The following PSMG3 variants were observed in gnomAD, a reference collection of about 807,000 sequenced individuals.
The protein encoded by PSMG3 is PAC-3.
PSMG3 carries 4 observed loss-of-function variants against 7.9 expected under a neutral mutation model. The ratio of observed to expected loss-of-function variants is 0.51; its 90% CI spans 0.25 to 1.16. The LOEUF is 1.16. Among genes scored for constraint, PSMG3 ranks in the 50% most tolerant of loss-of-function variants. PSMG3 has a pLI of 0.15. For synonymous variants in PSMG3, 81 were observed against 69.8 expected (o/e 1.16, Z -0.80); for missense variants, 151 against 157.4 (o/e 0.96, Z 0.22).
Position 1,569,872 on chromosome 7 carries a change from G to A in PSMG3, c.-533C>T, listed in dbSNP as rs1778856476. 2 of 152,048 alleles carry A rather than the reference G, an allele frequency of 1.3e-5. No homozygotes were observed. The highest frequency in any genetic ancestry group is 1.5e-5 in the Non-Finnish European group (1 of 67,994). 9.4% of individuals were successfully genotyped at this position (152,048 alleles called of 1,614,324 possible). A position where few individuals can be genotyped will look rare whatever the true frequency, so the allele number is the denominator to read the frequency against. Reference sequence around the variant, plus strand: ...CGTTCACACTGCCAGGCCGGGCAGTGGCTTCCCGCCCCTCGGCCTCGCCGC... The same window carrying A: ...CGTTCACACTGCCAGGCCGGGCAGTAGCTTCCCGCCCCTCGGCCTCGCCGC... On this transcript the variant is annotated 5_prime_UTR_variant, in exon 1 of 2. Transcript: ENST00000288607.
In PSMG3 at chr7:1,567,623, T is replaced by G; in HGVS notation, c.*75A>C. 6.9e-7 allele frequency: 1 copy of G among 1,448,648 alleles called. No individual in the cohort carries two copies. Among genetic ancestry groups the G allele is most frequent in the Non-Finnish European group, 9.3e-7 (1 of 1,078,684 alleles). 89.7% of individuals were successfully genotyped at this position (1,448,648 alleles called of 1,614,324 possible). ...TTCCTCCCTCCACCGGGGAGGGAGG[T>G]GAGACTTGAGTCCCTGAGTGGGTGT... On this transcript the variant is annotated 3_prime_UTR_variant, in exon 2 of 2. Coordinates refer to ENST00000288607, the MANE Select transcript of PSMG3 (RefSeq NM_032302.4).
Position 1,569,573 on chromosome 7 carries a change from C to G in PSMG3, c.-234G>C, listed in dbSNP as rs1053901075. Reference sequence around the variant, plus strand: ...GTTGAGGCCAGGAATTCGAGACCAGCCTGGCCAACATAGCGAGACCCCCAT... The same window carrying G: ...GTTGAGGCCAGGAATTCGAGACCAGGCTGGCCAACATAGCGAGACCCCCAT... On this transcript the variant is annotated 5_prime_UTR_variant, in exon 1 of 2. Transcript: ENST00000288607. 46 of 380,966 alleles carry G rather than the reference C, an allele frequency of 1.2e-4. No individual in the cohort carries two copies. The highest frequency in any genetic ancestry group is 6.8e-4 in the Middle Eastern group (1 of 1,470). 23.6% of individuals were successfully genotyped at this position (380,966 alleles called of 1,614,324 possible). A position where few individuals can be genotyped will look rare whatever the true frequency, so the allele number is the denominator to read the frequency against.
In PSMG3 at chr7:1,569,500, GC is replaced by G; in HGVS notation, c.-162del. ...TCAAAAGAAGGGGCCAGGCGCGGTG[GC>G]TCATGCCTGTCATCCCGGCACTTTG... On this transcript the variant is annotated 5_prime_UTR_variant, in exon 1 of 2. It removes the in-frame stop codon of an upstream open reading frame in the 5' UTR. Coordinates refer to ENST00000288607, the MANE Select transcript of PSMG3 (RefSeq NM_032302.4). 1.6e-6 allele frequency: 1 copy of G among 608,032 alleles called. No individual in the cohort carries two copies. Among genetic ancestry groups the G allele is most frequent in the Admixed American group, 3.2e-5 (1 of 31,188 alleles). The allele number at this position is 608,032 out of a possible 1,614,324, so 37.7% of individuals were successfully genotyped here. A position where few individuals can be genotyped will look rare whatever the true frequency, so the allele number is the denominator to read the frequency against.
Position 1,569,150 on chromosome 7 carries a change from T to C in PSMG3, c.190A>G (p.Thr64Ala), listed in dbSNP as rs1236707892. 2 of 1,613,442 alleles carry C rather than the reference T, an allele frequency of 1.2e-6. No individual in the cohort carries two copies. The highest frequency in any genetic ancestry group is 8.5e-7 in the Non-Finnish European group (1 of 1,180,038). The change falls in exon 1 of 2, where the codon ACA becomes GCA. Residue 64 changes from threonine to alanine, a missense_variant. Coordinates refer to ENST00000288607, the MANE Select transcript of PSMG3 (RefSeq NM_032302.4). ...ASDVSKPVLTTKVLLGQDEPL... is the reference protein window; with the variant it reads ...ASDVSKPVLTAKVLLGQDEPL... ...TCATCCTGCCCCAGAAGGACTTTTG[T>C]GGTGAGCACAGGCTTGCTGACGTCA...
chr7:1,568,142 G>C (rs945615692), intron 1 of PSMG3, among the ~76,000 whole-genome samples: 1 of 152,132 alleles, frequency 6.6e-6, no homozygotes, highest in Non-Finnish European at 1.5e-5. Context: ...CTGCAGAAGC[G>C]AGTGCTGTCG....
chr7:1,569,460 C>G lies in PSMG3; in HGVS notation c.-121G>C. On this transcript the variant is annotated 5_prime_UTR_variant, in exon 1 of 2. Coordinates refer to ENST00000288607, the MANE Select transcript of PSMG3 (RefSeq NM_032302.4). ...GTAGCACGGGGCATTGAAACGGAAA[C>G]GCAAGGAGGCCCATTCAAAAGAAGG... 3.7e-6 allele frequency: 3 copies of G among 803,016 alleles called. No individual in the cohort carries two copies. Among genetic ancestry groups the G allele is most frequent in the Middle Eastern group, 7.5e-4 (2 of 2,662 alleles). 49.7% of individuals were successfully genotyped at this position (803,016 alleles called of 1,614,324 possible). A position where few individuals can be genotyped will look rare whatever the true frequency, so the allele number is the denominator to read the frequency against.
At chr7:1,568,453 T>TTA (rs1778814417) in intron 1 of PSMG3, among the ~76,000 whole-genome samples, 1 of 147,898 alleles carries the variant, frequency 6.8e-6, no homozygotes, top group African/African-American at 2.5e-5. Context: ...TCCTGACCAC[T>TTA]TTATTATTAT....
chr7:1,568,084 C>T (rs954602656), intron 1 of PSMG3, among the ~76,000 whole-genome samples: 20 of 152,060 alleles, frequency 1.3e-4, no homozygotes, highest in Admixed American at 1.1e-3. Context: ...TCCGCAGCCC[C>T]GCCTCTTCTG....
Position 1,567,670 on chromosome 7 carries a change from T to C in PSMG3, c.*28A>G, listed in dbSNP as rs373044631. On this transcript the variant is annotated 3_prime_UTR_variant, in exon 2 of 2. Transcript: ENST00000288607. ...GTGTCTGGGTGTTCACGTGTCCTGC[T>C]GAGCAGCGCGGGGCGGCTGCCTCCA... 2.4e-5 allele frequency: 39 copies of C among 1,601,530 alleles called. 1 individual carries two copies. Among genetic ancestry groups the C allele is most frequent in the Admixed American group, 8.6e-5 (5 of 58,268 alleles).
rs1472753007 is a variant in PSMG3, at chr7:1,569,166, G to A, written c.174C>T (p.Ser58=). 6.2e-7 allele frequency: 1 copy of A among 1,613,434 alleles called. No individual in the cohort carries two copies. Among genetic ancestry groups the A allele is most frequent in the African/African-American group, 1.3e-5 (1 of 74,938 alleles). The change falls in exon 1 of 2, where the codon AGC becomes AGT. Residue 58 remains serine, a synonymous_variant. Transcript: ENST00000288607. ...LEPSSVASDV[S]KPVLTTKVLL... The stretch of plus-strand genomic sequence containing the variant: ...GGACTTTTGTGGTGAGCACAGGCTT[G>A]CTGACGTCACTGGCCACGCTGCTGG...
rs1345478235 is a variant in PSMG3 at position 1,567,675 on chromosome 7, A to G, written c.*23T>C. ...TGGGTGTTCACGTGTCCTGCTGAGCAGCGCGGGGCGGCTGCCTCCAGGTCA... is the reference window on the plus strand; with the variant it reads ...TGGGTGTTCACGTGTCCTGCTGAGCGGCGCGGGGCGGCTGCCTCCAGGTCA... On this transcript the variant is annotated 3_prime_UTR_variant, in exon 2 of 2. Coordinates refer to ENST00000288607, the MANE Select transcript of PSMG3 (RefSeq NM_032302.4). The G allele has an allele frequency of 1.9e-6, 3 of 1,604,926 alleles. No individual in the cohort carries two copies. Among genetic ancestry groups the G allele is most frequent in the Non-Finnish European group, 2.6e-6 (3 of 1,175,332 alleles).
chr7:1,568,193 C>T (rs780344673), intron 1 of PSMG3, among the ~76,000 whole-genome samples: 5 of 152,148 alleles, frequency 3.3e-5, no homozygotes, highest in Admixed American at 6.6e-5. Context: ...CACAGCCAGC[C>T]GCCTGCTCAC....
rs1266275609 is a variant in PSMG3 at position 1,569,385 on chromosome 7, G to A, written c.-46C>T. ...GCTTTAATTTAGGTTAAAAAGAAAG[G>A]GGAAAAAAAGGAGTCAATCAAACAG... On this transcript the variant is annotated 5_prime_UTR_variant, in exon 1 of 2. Transcript: ENST00000288607. The A allele has an allele frequency of 2.4e-5, 35 of 1,460,270 alleles. No individual in the cohort carries two copies. The highest frequency in any genetic ancestry group is 3.1e-5 in the Non-Finnish European group (34 of 1,081,294). 90.5% of individuals were successfully genotyped at this position (1,460,270 alleles called of 1,614,324 possible).
At position 1,569,143 on chromosome 7, in the gene PSMG3, A is replaced by T. The variant is rs1404958931; in HGVS notation, c.197T>A (p.Val66Asp). 1 of 1,613,440 alleles carries T rather than the reference A, an allele frequency of 6.2e-7. No individual in the cohort carries two copies. Among genetic ancestry groups the T allele is most frequent in the Non-Finnish European group, 8.5e-7 (1 of 1,179,992 alleles). The change falls in exon 1 of 2, where the codon GTC becomes GAC. Residue 66 changes from valine (V) to aspartate (D), a missense_variant. Physicochemically the swap from Val to Asp is radical, Grantham distance 152. Transcript: ENST00000288607. ...DVSKPVLTTK[V>D]LLGQDEPLIH... The stretch of plus-strand genomic sequence containing the variant: ...CTTTACCTCATCCTGCCCCAGAAGG[A>T]CTTTTGTGGTGAGCACAGGCTTGCT...
In PSMG3 at chr7:1,567,841, G is replaced by A; in HGVS notation, c.226C>T (p.His76Tyr). The change falls in exon 2 of 2, where the codon CAT becomes TAT. Residue 76 changes from histidine to tyrosine, a missense_variant. Physicochemically the swap from His to Tyr is moderately conservative, Grantham distance 83 (BLOSUM62 2). Coordinates refer to ENST00000288607, the MANE Select transcript of PSMG3 (RefSeq NM_032302.4). ...VLLGQDEPLI[H>Y]VFAKNLVAFV... ...GCTACCAGGTTCTTTGCAAAGACAT[G>A]GATGAGAGGCTGGTAAAGGAAGGAG... 1.9e-6 allele frequency: 3 copies of A among 1,613,244 alleles called. No homozygotes were observed. The highest frequency in any genetic ancestry group is 1.7e-6 in the Non-Finnish European group (2 of 1,179,722).
chr7:1,567,764 C>G lies in PSMG3; in HGVS notation c.303G>C (p.Val101=), dbSNP rs749924744. ...GNRAVLLAVA[V]KDKSMEGLKA... is the part of the protein sequence containing the mutation. Reference sequence around the variant, plus strand: ...TCAGCCCCTCCATGCTTTTGTCCTTCACGGCCACGGCGAGGAGGACTGCTC... The same window carrying G: ...TCAGCCCCTCCATGCTTTTGTCCTTGACGGCCACGGCGAGGAGGACTGCTC... Residue 101 remains valine, a synonymous_variant, in exon 2 of 2, where the codon GTG becomes GTC. Coordinates refer to ENST00000288607, the MANE Select transcript of PSMG3 (RefSeq NM_032302.4). 8.7e-6 allele frequency: 14 copies of G among 1,614,208 alleles called. No individual in the cohort carries two copies. The South Asian group carries it at 1.5e-4, about 18-fold the overall frequency.
At chr7:1,567,916 A>G in intron 1 of PSMG3, 66 bp from the exon 2 acceptor site, 1 of 1,540,046 alleles carries the variant, frequency 6.5e-7, no homozygotes, top group Non-Finnish European at 8.9e-7. Context: ...CAATGCTTTC[A>G]TGAAGTATCC....
In PSMG3 at chr7:1,569,520, C is replaced by T; in HGVS notation, c.-181G>A. On this transcript the variant is annotated 5_prime_UTR_variant, in exon 1 of 2. Transcript: ENST00000288607. Reference sequence around the variant, plus strand: ...CGGTGGCTCATGCCTGTCATCCCGGCACTTTGGGAGGCCGAGACAGGACGA... The same window carrying T: ...CGGTGGCTCATGCCTGTCATCCCGGTACTTTGGGAGGCCGAGACAGGACGA... The T allele has an allele frequency of 1.8e-6, 1 of 548,170 alleles. No individual in the cohort carries two copies. Among genetic ancestry groups the T allele is most frequent in the Non-Finnish European group, 3.2e-6 (1 of 311,786 alleles). 34.0% of individuals were successfully genotyped at this position (548,170 alleles called of 1,614,324 possible). A position where few individuals can be genotyped will look rare whatever the true frequency, so the allele number is the denominator to read the frequency against.
Position 1,569,230 on chromosome 7 carries a change from G to T in PSMG3, c.110C>A (p.Thr37Asn). ...CAGGGTGCCCATCTTCCCAAACTGG[G>T]TCACCACCACCAGGATGTGACTGCT... ...AFSSHILVVV[T>N]QFGKMGTLVS... The change falls in exon 1 of 2, where the codon ACC becomes AAC. Residue 37 changes from threonine (T) to asparagine (N), a missense_variant. Coordinates refer to ENST00000288607, the MANE Select transcript of PSMG3 (RefSeq NM_032302.4). 1 of 1,613,740 alleles carries T rather than the reference G, an allele frequency of 6.2e-7. No homozygotes were observed. Among genetic ancestry groups the T allele is most frequent in the Non-Finnish European group, 8.5e-7 (1 of 1,180,020 alleles).
Sources: allele counts gnomAD v4.1 joint callset (sites outside exome capture counted in the v4.1 genomes callset), GRCh38; gene constraint gnomAD v4.1.1; transcripts MANE v1.5; gene names NCBI Gene and HGNC (gene_info 2026-07-23, HGNC 2026-07-21).